The following GPR176 variants were observed in gnomAD, a reference collection of about 807,000 sequenced individuals.
GPR176 encodes G protein-coupled receptor 176, also known as G-protein coupled receptor 176.
In GPR176, 26 loss-of-function variants were observed where a neutral mutation model predicts 35.4. The ratio of observed to expected loss-of-function variants is 0.74; its 90% CI spans 0.54 to 1.02. The LOEUF (loss-of-function observed/expected upper bound fraction) is 1.02, where lower values mean the gene tolerates loss of function less well. Ranked by LOEUF, GPR176 falls within the 50% of genes least tolerant of loss-of-function variation. The probability of loss-of-function intolerance (pLI) is 0.00; values close to 1 mark genes in which losing one functional copy is unlikely to be tolerated. For missense variants in GPR176, 597 were observed against 665.3 expected (o/e 0.90, Z 1.13); for synonymous variants, 278 against 271.3 (o/e 1.02, Z -0.24).
chr15:39,876,005 C>T (rs559567238), intron 1 of GPR176, among the ~76,000 whole-genome samples: 125 of 149,628 alleles, frequency 8.4e-4, no homozygotes, highest in Non-Finnish European at 1.3e-3. Context: ...ATGTATTTAA[C>T]CTGGGTGTGG....
In GPR176 at chr15:39,913,079, A is replaced by G. The variant is rs143957815; in HGVS notation, c.172+6776T>C. On this transcript the variant is annotated intron_variant, in intron 1 of 2. Coordinates refer to ENST00000561100, the MANE Select transcript of GPR176 (RefSeq NM_007223.3). ...CCAAATGTCTATCAAACGAATGGAT[A>G]AACAAAATGTAATATATCCATACAA... Among the ~76,000 whole-genome samples, 16 of 152,364 alleles carry G rather than the reference A, an allele frequency of 1.1e-4. No individual in the cohort carries two copies. The East Asian group carries it at 3.1e-3, about 29-fold the overall frequency.
chr15:39,882,496 T>C (rs1294687789), intron 1 of GPR176, among the ~76,000 whole-genome samples: 1 of 152,206 alleles, frequency 6.6e-6, no homozygotes, highest in East Asian at 1.9e-4. Flanking sequence ...GAAGAGACTT[T>C]TCATGAGTTA....
chr15:39,840,756 A>G (rs1200627081), intron 1 of GPR176, among the ~76,000 whole-genome samples: 1 of 152,184 alleles, frequency 6.6e-6, no homozygotes, highest in Non-Finnish European at 1.5e-5. Context: ...CTGACTTAAA[A>G]TATTACAGAA....
At chr15:39,820,536 C>T (rs1437272156) in intron 1 of GPR176, among the ~76,000 whole-genome samples, 2 of 152,182 alleles carry the variant, frequency 1.3e-5, no homozygotes, top group Non-Finnish European at 2.9e-5. Context: ...AACTAAGACA[C>T]TCTGGCCTAG....
chr15:39,894,962 A>C (rs988716289), intron 1 of GPR176, among the ~76,000 whole-genome samples: 2 of 152,070 alleles, frequency 1.3e-5, no homozygotes, highest in Non-Finnish European at 2.9e-5. Flanking sequence ...AGTGAACGAG[A>C]CTCCGTCTGC....
chr15:39,899,480 T>C (rs947985030), intron 1 of GPR176, among the ~76,000 whole-genome samples: 1 of 152,154 alleles, frequency 6.6e-6, no homozygotes, highest in Admixed American at 6.5e-5. Flanking sequence ...CATTGATGTA[T>C]GAGAAGTGCC....
At chr15:39,803,532 C>T (rs1052061949) in intron 2 of GPR176, among the ~76,000 whole-genome samples, 8 of 152,056 alleles carry the variant, frequency 5.3e-5, no homozygotes, top group African/African-American at 1.7e-4. Context: ...CCACCCGCCT[C>T]GGCCTCCCAA....
At chr15:39,843,042 A>AT (rs1383146893) in intron 1 of GPR176, among the ~76,000 whole-genome samples, 1 of 151,760 alleles carries the variant, frequency 6.6e-6, no homozygotes, top group Non-Finnish European at 1.5e-5. Flanking sequence ...GATTCACACT[A>AT]TTAAAAAAAA....
At chr15:39,803,059 T>C (rs1898983501) in intron 2 of GPR176, among the ~76,000 whole-genome samples, 1 of 152,064 alleles carries the variant, frequency 6.6e-6, no homozygotes, top group African/African-American at 2.4e-5. Flanking sequence ...ATATCACCAG[T>C]GATTTGAGGG....
intron 1 of GPR176, among the ~76,000 whole-genome samples, chr15:39,905,209 G>A (rs1231098769): frequency 6.6e-6 from 1 of 152,180 alleles, no homozygotes; most frequent in East Asian, 1.9e-4. Context: ...CAAGGTTGGT[G>A]GTTTGCCTCT....
At chr15:39,863,818 G>T (rs1027078940) in intron 1 of GPR176, among the ~76,000 whole-genome samples, 25 of 152,192 alleles carry the variant, frequency 1.6e-4, no homozygotes, top group African/African-American at 4.6e-4. Flanking sequence ...GTAGCAGGCT[G>T]TACCATCTAG....
At chr15:39,874,753 T>C (rs991000438) in intron 1 of GPR176, among the ~76,000 whole-genome samples, 2 of 152,178 alleles carry the variant, frequency 1.3e-5, no homozygotes, top group Non-Finnish European at 2.9e-5. Flanking sequence ...AAAAATTAAC[T>C]GCAATTCCAG....
At chr15:39,806,769 C>T (rs1203094931) in intron 2 of GPR176, among the ~76,000 whole-genome samples, 1 of 152,208 alleles carries the variant, frequency 6.6e-6, no homozygotes, top group African/African-American at 2.4e-5. Flanking sequence ...CCCCAGCATC[C>T]TCACCATGGA....
At chr15:39,827,869 G>C (rs887345568) in intron 1 of GPR176, among the ~76,000 whole-genome samples, 1 of 152,164 alleles carries the variant, frequency 6.6e-6, no homozygotes, top group African/African-American at 2.4e-5. Context: ...TTTGTTGAAG[G>C]GTTGTTGACA....
At position 39,919,944 on chromosome 15, in the gene GPR176, C is replaced by T; in HGVS notation, c.83G>A (p.Arg28His). The change falls in exon 1 of 3, where the codon CGC (arginine) becomes CAC (histidine). Residue 28 changes from arginine (R) to histidine (H), a missense_variant. This residue lies in a region of GPR176 where 126 missense variants were observed against 112.4 expected (regional missense o/e 1.12). Transcript: ENST00000561100. ...CTCGCCGAACTCCCCGAGCGCGCTGCGGTTCACACCCGCAGCCTCGGCGCC... is the reference window on the plus strand; with the variant it reads ...CTCGCCGAACTCCCCGAGCGCGCTGTGGTTCACACCCGCAGCCTCGGCGCC... The part of the protein sequence containing the change: ...ASGAEAAGVN[R>H]SALGEFGEAQ... 6.6e-7 allele frequency: 1 copy of T among 1,507,424 alleles called. No homozygotes were observed. Among genetic ancestry groups the T allele is most frequent in the Non-Finnish European group, 8.8e-7 (1 of 1,130,416 alleles). 93.4% of individuals were successfully genotyped at this position (1,507,424 alleles called of 1,614,324 possible).
At chr15:39,806,979 A>G in intron 2 of GPR176, 27 bp downstream of exon 2, 1 of 1,557,446 alleles carries the variant, frequency 6.4e-7, no homozygotes, top group Non-Finnish European at 8.6e-7. Flanking sequence ...TAAAAAAAAA[A>G]GTTAGCTCCT....
At chr15:39,833,511 G>T (rs1314198805) in intron 1 of GPR176, among the ~76,000 whole-genome samples, 1 of 152,076 alleles carries the variant, frequency 6.6e-6, no homozygotes, top group African/African-American at 2.4e-5. Flanking sequence ...GGAACTTGGG[G>T]GGACATGTGG....
chr15:39,860,118 A>G (rs1477726926), intron 1 of GPR176, among the ~76,000 whole-genome samples: 1 of 152,234 alleles, frequency 6.6e-6, no homozygotes, highest in Non-Finnish European at 1.5e-5. Flanking sequence ...AAACAATACT[A>G]GAGTAATAAA....
intron 1 of GPR176, among the ~76,000 whole-genome samples, chr15:39,837,517 T>C (rs1901476806): frequency 6.6e-6 from 1 of 152,182 alleles, no homozygotes; most frequent in Non-Finnish European, 1.5e-5. Context: ...TGAAGACCTC[T>C]TTGATTCCAC....
Sources: gnomAD v4.1 joint callset for allele counts (sites outside exome capture counted in the v4.1 genomes callset) on GRCh38, gnomAD v4.1.1 for gene constraint, gnomAD v4.1.1 regional missense constraint, MANE v1.5 for transcripts, NCBI Gene and HGNC (gene_info 2026-07-23, HGNC 2026-07-21) for gene names.